The following DZIP1 variants were observed in gnomAD, a reference collection of about 807,000 sequenced individuals.
DZIP1 encodes the protein DAZ interacting zinc finger protein 1.
A neutral mutation model predicts 107.6 loss-of-function variants in DZIP1; 97 were observed. The ratio of observed to expected loss-of-function variants is 0.90; its 90% CI spans 0.77 to 1.07. The LOEUF is 1.07. Ranked by LOEUF, DZIP1 falls within the 50% of genes least tolerant of loss-of-function variation. The pLI is 0.00. For missense variants in DZIP1, 1,035 were observed against 1,063.6 expected (o/e 0.97, Z 0.37); for synonymous variants, 390 against 386.4 (o/e 1.01, Z -0.11).
At chr13:95,623,677 A>G (rs1387876374) in intron 8 of DZIP1, among the ~76,000 whole-genome samples, 1 of 152,248 alleles carries the variant, frequency 6.6e-6, no homozygotes, top group Admixed American at 6.5e-5. Context: ...ACAGTGGCCC[A>G]CAAATGTAAT....
In DZIP1 at chr13:95,633,420, C is replaced by T. The variant is rs545684566; in HGVS notation, c.598-99G>A. On this transcript the variant is annotated intron_variant, in intron 5 of 22. Coordinates refer to ENST00000376829, the MANE Select transcript of DZIP1 (RefSeq NM_198968.4). ...GTACCTGGCCAGGCACTGTGGCTCA[C>T]GCCTGTAATCCCAGCACTTTAGGAG... 763 of 983,644 alleles carry T rather than the reference C, an allele frequency of 7.8e-4. 2 individuals carry two copies. Among genetic ancestry groups the T allele is most frequent in the Non-Finnish European group, 1.1e-3 (685 of 634,150 alleles). The allele number at this position is 983,644 out of a possible 1,614,324, so 60.9% of individuals were successfully genotyped here.
chr13:95,607,225 T>C (rs2044811349), intron 13 of DZIP1, among the ~76,000 whole-genome samples: 2 of 152,130 alleles, frequency 1.3e-5, no homozygotes, highest in South Asian at 4.1e-4. Context: ...TTTTGTATTT[T>C]TAGTAGAGAC....
Position 95,597,885 on chromosome 13 carries a change from A to G in DZIP1, c.1537+1480T>C, listed in dbSNP as rs146117873. ...ACTGTACAATAGTTGCTAATAGTGC[A>G]GCTTGAACAAGTCAGCGTCTGTGGA... On this transcript the variant is annotated intron_variant, in intron 15 of 22. Transcript: ENST00000376829. Among the ~76,000 whole-genome samples, 3 of 152,338 alleles carry G rather than the reference A, an allele frequency of 2.0e-5. No individual in the cohort carries two copies. The East Asian group carries it at 5.8e-4, about 29-fold the overall frequency.
Position 95,582,206 on chromosome 13 carries a change from T to C in DZIP1, c.*28A>G. On this transcript the variant is annotated 3_prime_UTR_variant, in exon 23 of 23. Transcript: ENST00000376829. ...ACTGTGATACTGAAATACTGCTGGC[T>C]TCTGGAATAATCTTCTGACATGTGG... The C allele has an allele frequency of 6.2e-7, 1 of 1,606,930 alleles. No individual in the cohort carries two copies. Among genetic ancestry groups the C allele is most frequent in the South Asian group, 1.1e-5 (1 of 90,882 alleles).
Position 95,641,507 on chromosome 13 carries a change from C to A in DZIP1, c.385G>T (p.Glu129Ter). The A allele has an allele frequency of 1.9e-6, 3 of 1,614,036 alleles. No individual in the cohort carries two copies. Among genetic ancestry groups the A allele is most frequent in the Non-Finnish European group, 2.5e-6 (3 of 1,180,016 alleles). Reference protein sequence around the residue: ...KLIRLAQFTIEYLLHSQEFLT... With the variant: ...KLIRLAQFTI The stretch of plus-strand genomic sequence containing the variant: ...AACTCTTGTGAGTGCAGCAAGTACT[C>A]GATGGTGAACTGCGCCAGACGGATG... The change falls in exon 5 of 23, where the codon GAG (glutamate) becomes TAG (stop). Residue 129 changes from glutamate (E) to a stop codon, truncating the protein, a stop_gained. Coordinates refer to ENST00000376829, the MANE Select transcript of DZIP1 (RefSeq NM_198968.4). LOFTEE classifies it high-confidence loss of function. This position sits in a 1 kb window ranked among gnomAD's most constrained non-coding sequence, Gnocchi z 4.3.
intron 15 of DZIP1, 57 bp from the exon 16 acceptor site, chr13:95,594,143 T>A: frequency 7.0e-7 from 1 of 1,419,424 alleles, no homozygotes. Context: ...ACATCAAAAA[T>A]CTCTAAGCAG....
chr13:95,601,425 C>G (rs4773919), intron 14 of DZIP1, among the ~76,000 whole-genome samples: 39,888 of 152,034 alleles, frequency 0.26, 6,268 homozygotes, highest in Non-Finnish European at 0.35. Flanking sequence ...TTGTGGGAGG[C>G]TTTCAAAAAA....
rs1226279824 is a variant in DZIP1 at position 95,599,526 on chromosome 13, A to T, written c.1478-102T>A. Reference sequence around the variant, plus strand: ...GAAAGATATCATTCCATGGTATTTTAGTCATGCCTGAATAGCAAGAATTTA... The same window carrying T: ...GAAAGATATCATTCCATGGTATTTTTGTCATGCCTGAATAGCAAGAATTTA... On this transcript the variant is annotated intron_variant, in intron 14 of 22. Transcript: ENST00000376829. 5.7e-6 allele frequency: 6 copies of T among 1,055,074 alleles called. No homozygotes were observed. The African/African-American group carries it at 7.9e-5, about 14-fold the overall frequency. 65.4% of individuals were successfully genotyped at this position (1,055,074 alleles called of 1,614,324 possible). A position where few individuals can be genotyped will look rare whatever the true frequency, so the allele number is the denominator to read the frequency against.
In DZIP1 at chr13:95,611,478, A is replaced by T. The variant is rs1430804241; in HGVS notation, c.1330T>A (p.Cys444Ser). ...TCACTGATACTGTTTAATGGATTAC[A>T]GGTAAAGTCTTTAATCTGCAAAGAA... ...TQRQQIKDFT[C>S]NPLNSISEPK... is the part of the protein sequence containing the mutation. The change falls in exon 12 of 23, where the codon TGT becomes AGT. Residue 444 changes from cysteine (C) to serine (S), a missense_variant. Coordinates refer to ENST00000376829, the MANE Select transcript of DZIP1 (RefSeq NM_198968.4). 6.2e-7 allele frequency: 1 copy of T among 1,613,226 alleles called. No individual in the cohort carries two copies. Among genetic ancestry groups the T allele is most frequent in the East Asian group, 2.2e-5 (1 of 44,896 alleles).
chr13:95,635,705 C>A (rs1252737393), intron 5 of DZIP1, among the ~76,000 whole-genome samples: 1 of 152,142 alleles, frequency 6.6e-6, no homozygotes, highest in Non-Finnish European at 1.5e-5. Flanking sequence ...CTCCCCACCC[C>A]ACCCCAGAGT....
intron 2 of DZIP1, 118 bp from the exon 3 acceptor site, chr13:95,643,375 C>G (rs1436480151): frequency 2.0e-5 from 3 of 152,126 alleles, no homozygotes; most frequent in Non-Finnish European, 4.4e-5. Flanking sequence ...GAAATAAACC[C>G]ATGCAAAAAC....
chr13:95,600,403 A>G (rs1281352954), intron 14 of DZIP1, among the ~76,000 whole-genome samples: 1 of 152,116 alleles, frequency 6.6e-6, no homozygotes, highest in Non-Finnish European at 1.5e-5. Context: ...GAGCCAGGGT[A>G]AAAATGGCCA....
At chr13:95,616,903 T>G (rs1464494588) in intron 10 of DZIP1, among the ~76,000 whole-genome samples, 1 of 152,110 alleles carries the variant, frequency 6.6e-6, no homozygotes, top group Admixed American at 6.5e-5. Context: ...CTTATTCAGG[T>G]GAGCCCCCTG....
chr13:95,630,718 A>G, intron 6 of DZIP1: 1 of 1,258,138 alleles, frequency 7.9e-7, no homozygotes, highest in South Asian at 1.3e-5. Flanking sequence ...ACTTACATGC[A>G]GATGTACACA....
At chr13:95,594,197 G>C in intron 15 of DZIP1, 111 bp from the exon 16 acceptor site, 1 of 894,900 alleles carries the variant, frequency 1.1e-6, no homozygotes, top group Non-Finnish European at 1.7e-6. Flanking sequence ...AAGTATTTGT[G>C]ATGTTTTAAA....
At chr13:95,624,191 G>T (rs1594719151) in intron 8 of DZIP1, among the ~76,000 whole-genome samples, 1 of 152,304 alleles carries the variant, frequency 6.6e-6, no homozygotes, top group African/African-American at 2.4e-5. Context: ...GAAGACTCAG[G>T]TCAAGTCTAA....
chr13:95,634,833 TTTGA>T (rs1385987589), intron 5 of DZIP1, among the ~76,000 whole-genome samples: 6 of 152,354 alleles, frequency 3.9e-5, no homozygotes, highest in African/African-American at 1.4e-4. Flanking sequence ...TTTTTATTAA[TTTGA>T]TTATTTTTCC....
At chr13:95,600,422 C>T (rs979938186) in intron 14 of DZIP1, among the ~76,000 whole-genome samples, 1 of 152,060 alleles carries the variant, frequency 6.6e-6, no homozygotes, top group Non-Finnish European at 1.5e-5. Context: ...CAACAGTTAC[C>T]GAGTGCTCAC....
chr13:95,633,161 T>C, intron 6 of DZIP1, 73 bp downstream of exon 6: 2 of 1,379,240 alleles, frequency 1.5e-6, no homozygotes, highest in East Asian at 2.3e-5. Context: ...GGAAATGCAC[T>C]GGACCAAGTC....
Sources: allele counts gnomAD v4.1 joint callset (sites outside exome capture counted in the v4.1 genomes callset), GRCh38; gene constraint gnomAD v4.1.1; non-coding constraint Gnocchi (gnomAD v3.1); transcripts MANE v1.5; gene names NCBI Gene and HGNC (gene_info 2026-07-23, HGNC 2026-07-21).